ARHGAP39: variants seen among roughly 807,000 people sequenced by gnomAD.
ARHGAP39 encodes the protein Rho GTPase activating protein 39.
In ARHGAP39, 44 loss-of-function variants were observed where a neutral mutation model predicts 106.9. That is an observed-to-expected ratio of 0.41 (90% confidence interval 0.32 to 0.53). The LOEUF is 0.53. Ranked by LOEUF, ARHGAP39 falls within the 20% of genes least tolerant of loss-of-function variation. The pLI is 0.21. For missense variants in ARHGAP39, 1,496 were observed against 1,577.3 expected, an observed-to-expected ratio of 0.95 and a Z score of 0.87; for synonymous variants, 768 against 693.2, an observed-to-expected ratio of 1.11 and a Z score of -1.69.
intron 2 of ARHGAP39, among the ~76,000 whole-genome samples, chr8:144,601,329 T>G (rs1234013010): frequency 1.5e-5 from 2 of 135,462 alleles, no homozygotes; most frequent in Non-Finnish European, 3.1e-5. Flanking sequence ...TGTGGAGGCG[T>G]GTGTGTGCTC....
At chr8:144,544,764 A>C (rs1817338340) in intron 6 of ARHGAP39, among the ~76,000 whole-genome samples, 2 of 152,346 alleles carry the variant, frequency 1.3e-5, no homozygotes, top group South Asian at 4.1e-4. Context: ...CGTGACCTGC[A>C]TGTGAGCCAG....
At chr8:144,674,199 A>G (rs1473122621) in intron 1 of ARHGAP39, among the ~76,000 whole-genome samples, 1 of 152,178 alleles carries the variant, frequency 6.6e-6, no homozygotes, top group Non-Finnish European at 1.5e-5. Context: ...CCCGCCATTC[A>G]GCAGGTCCCA....
chr8:144,580,711 C>T, intron 3 of ARHGAP39, 135 bp downstream of exon 3: 2 of 1,178,402 alleles, frequency 1.7e-6, no homozygotes, highest in South Asian at 3.3e-5. Flanking sequence ...CCGACCTACT[C>T]CTAACCTGGC....
chr8:144,543,781 A>G (rs1586883892), intron 6 of ARHGAP39: 1 of 152,214 alleles, frequency 6.6e-6, no homozygotes, highest in Non-Finnish European at 1.5e-5. Context: ...TACAGCAGAA[A>G]CAGCCCAGCC....
chr8:144,698,127 G>C, the ARHGAP39 span, among the ~76,000 whole-genome samples: 1 of 152,192 alleles, frequency 6.6e-6, no homozygotes, highest in Non-Finnish European at 1.5e-5. Flanking sequence ...CCTCATGAAT[G>C]CGTGGTGCCC....
chr8:144,590,343 T>A (rs554478096), intron 2 of ARHGAP39, among the ~76,000 whole-genome samples: 1 of 152,314 alleles, frequency 6.6e-6, no homozygotes, highest in South Asian at 2.1e-4. Flanking sequence ...TGATCCCCAG[T>A]GTTGGAGGTG....
At chr8:144,584,656 G>A (rs1161166121) in intron 2 of ARHGAP39, among the ~76,000 whole-genome samples, 5 of 152,248 alleles carry the variant, frequency 3.3e-5, no homozygotes, top group East Asian at 3.9e-4. Context: ...TCAGCTACTC[G>A]GGAGGCCAAG....
intron 2 of ARHGAP39, among the ~76,000 whole-genome samples, chr8:144,600,153 G>A (rs773058457): frequency 1.3e-5 from 2 of 151,784 alleles, no homozygotes; most frequent in Non-Finnish European, 1.5e-5. Context: ...GTACCTACCT[G>A]TGTGTGTGCG....
rs550718080 is a variant in ARHGAP39, at chr8:144,530,822, C to T, written c.3030G>A (p.Pro1010=). The T allele has an allele frequency of 7.3e-5, 117 of 1,611,550 alleles. No homozygotes were observed. The East Asian group carries it at 1.7e-3, about 23-fold the overall frequency. Residue 1010 remains proline (P), a synonymous_variant, in exon 11 of 12, where the codon CCG becomes CCA. Transcript: ENST00000377307. The part of the protein sequence containing the change: ...WYRELEEPLI[P]HEFYEQCIAH... ...CGATGCACTGCTCGTAGAACTCGTG[C>T]GGGATCAGGGGCTCCTCCAGCTCCC...
intron 2 of ARHGAP39, among the ~76,000 whole-genome samples, chr8:144,602,844 G>A (rs1189128600): frequency 5.7e-5 from 8 of 141,098 alleles, no homozygotes; most frequent in South Asian, 2.4e-4. Context: ...GCATGGAGGC[G>A]TGCGTGTGAG....
intron 3 of ARHGAP39, among the ~76,000 whole-genome samples, chr8:144,569,948 C>T (rs569229042): frequency 8.5e-5 from 13 of 152,222 alleles, no homozygotes; most frequent in Admixed American, 5.2e-4. Flanking sequence ...AGGCTGGGCG[C>T]GGTGGCTCAG....
At position 144,547,842 on chromosome 8, in the gene ARHGAP39, C is replaced by T. The variant is rs750579993; in HGVS notation, c.1244G>A (p.Arg415Gln). 1.3e-6 allele frequency: 2 copies of T among 1,586,022 alleles called. No homozygotes were observed. Among genetic ancestry groups the T allele is most frequent in the South Asian group, 1.1e-5 (1 of 87,998 alleles). The change falls in exon 5 of 12, where the codon CGG (arginine) becomes CAG (glutamine). Residue 415 changes from arginine to glutamine, a missense_variant. Arg to Gln is a conservative substitution (Grantham distance 43, BLOSUM62 1). Coordinates refer to ENST00000377307, the MANE Select transcript of ARHGAP39 (RefSeq NM_025251.3). The surrounding 1 kb of genome is among the most constrained non-coding windows in gnomAD (Gnocchi z 5.2). The part of the protein sequence containing the change: ...GSSPKLRAGP[R>Q]HKYAPNPGGG... ...GCCGGGGTTGGGCGCGTACTTGTGC[C>T]GCGGGCCGGCGCGCAGCTTGGGGCT...
intron 9 of ARHGAP39, among the ~76,000 whole-genome samples, 169 bp downstream of exon 9, chr8:144,532,957 A>C (rs1417385909): frequency 2.0e-5 from 3 of 152,068 alleles, no homozygotes; most frequent in Admixed American, 2.0e-4. Flanking sequence ...TGGCCTGCAC[A>C]CCCTCAGGGT....
chr8:144,555,214 G>T (rs183173331), intron 4 of ARHGAP39, among the ~76,000 whole-genome samples: 60 of 152,386 alleles, frequency 3.9e-4, no homozygotes, highest in Middle Eastern at 3.4e-3. Flanking sequence ...TTCCAGACGG[G>T]CCTGGCAAGT....
chr8:144,599,810 G>T (rs538423727), intron 2 of ARHGAP39, among the ~76,000 whole-genome samples: 55 of 152,354 alleles, frequency 3.6e-4, no homozygotes, highest in African/African-American at 1.3e-3. Context: ...GAATGCAAAT[G>T]AACCCTGGCT....
At chr8:144,611,786 C>T (rs1413811923) in intron 1 of ARHGAP39, among the ~76,000 whole-genome samples, 1 of 152,050 alleles carries the variant, frequency 6.6e-6, no homozygotes, top group African/African-American at 2.4e-5. Context: ...GAGGCTGAAG[C>T]AGGAGGATCC....
At chr8:144,643,831 C>A (rs1821371955) in intron 1 of ARHGAP39, among the ~76,000 whole-genome samples, 1 of 151,876 alleles carries the variant, frequency 6.6e-6, no homozygotes, top group Non-Finnish European at 1.5e-5. Context: ...TTTTGAAGCA[C>A]AAAGGTTATG....
At chr8:144,535,031 G>A (rs1816897110) in intron 7 of ARHGAP39, among the ~76,000 whole-genome samples, 1 of 152,214 alleles carries the variant, frequency 6.6e-6, no homozygotes, top group Admixed American at 6.5e-5. Context: ...TGGGGCCAGG[G>A]GAGCCATGGA....
chr8:144,560,781 C>T (rs1564847997), intron 3 of ARHGAP39, among the ~76,000 whole-genome samples: 1 of 152,338 alleles, frequency 6.6e-6, no homozygotes, highest in East Asian at 1.9e-4. Flanking sequence ...ATGACGTCAA[C>T]ACTACTAGAG....
Sources: gnomAD v4.1 joint callset for allele counts (sites outside exome capture counted in the v4.1 genomes callset) on GRCh38, gnomAD v4.1.1 for gene constraint, Gnocchi (gnomAD v3.1) non-coding constraint, MANE v1.5 for transcripts, NCBI Gene and HGNC (gene_info 2026-07-23, HGNC 2026-07-21) for gene names.